The following ADGRG6 variants were observed in gnomAD, a reference collection of about 807,000 sequenced individuals.
ADGRG6 encodes G-protein coupled receptor 126.
ADGRG6 carries 84 observed loss-of-function variants against 142.4 expected under a neutral mutation model. That is an observed-to-expected ratio of 0.59 (90% CI 0.49 to 0.71). The LOEUF (loss-of-function observed/expected upper bound fraction) is 0.71. Among genes scored for constraint, ADGRG6 ranks in the 30% least tolerant of loss-of-function variants. The pLI is 0.00. For synonymous variants in ADGRG6, 521 were observed against 520.5 expected, an observed-to-expected ratio of 1.00 and a Z score of -0.01; for missense variants, 1,367 against 1,466.6, an observed-to-expected ratio of 0.93 and a Z score of 1.11.
At chr6:142,326,772 T>C (rs1778799566) in intron 2 of ADGRG6, among the ~76,000 whole-genome samples, 1 of 152,056 alleles carries the variant, frequency 6.6e-6, no homozygotes, top group Non-Finnish European at 1.5e-5. Flanking sequence ...CATGCAGTCA[T>C]GTTAAGTGAG....
intron 17 of ADGRG6, among the ~76,000 whole-genome samples, chr6:142,410,467 A>G (rs1369453437): frequency 2.8e-5 from 4 of 145,338 alleles, no homozygotes. Context: ...TAAGGGATGA[A>G]TCAATCAGTA....
intron 15 of ADGRG6, among the ~76,000 whole-genome samples, chr6:142,406,847 A>C (rs2115035952): frequency 6.6e-6 from 1 of 152,312 alleles, no homozygotes; most frequent in African/African-American, 2.4e-5. Flanking sequence ...TTACCTTAAA[A>C]CCAATATAAA....
At chr6:142,317,348 A>G (rs1778135627) in intron 2 of ADGRG6, among the ~76,000 whole-genome samples, 1 of 152,048 alleles carries the variant, frequency 6.6e-6, no homozygotes, top group Non-Finnish European at 1.5e-5. Flanking sequence ...TTGTGACACC[A>G]TGGAAGACAG....
chr6:142,402,110 T>G, intron 12 of ADGRG6, 52 bp downstream of exon 12: 1 of 813,654 alleles, frequency 1.2e-6, no homozygotes. Flanking sequence ...CATGACTTCA[T>G]GCTTCATGAT....
At chr6:142,328,414 CTGGTCTCGA>C (rs1778885222) in intron 2 of ADGRG6, among the ~76,000 whole-genome samples, 1 of 152,126 alleles carries the variant, frequency 6.6e-6, no homozygotes, top group African/African-American at 2.4e-5. Flanking sequence ...TGTTGCCCAG[CTGGTCTCGA>C]TCTTATGAGC....
Position 142,403,875 on chromosome 6 carries a change from C to T in ADGRG6, c.2029C>T (p.Arg677Trp), listed in dbSNP as rs767931887. The change falls in exon 14 of 25, where the codon CGG becomes TGG. Residue 677 changes from arginine (R) to tryptophan (W), a missense_variant. This residue lies in a region of ADGRG6 where 286 missense variants were observed against 371.4 expected (regional missense o/e 0.77). Transcript: ENST00000367609. ...CACATCACATGTGAATATTACAACTCGGAACTTGGCTCTCAGCGTATCATC... is the reference window on the plus strand; with the variant it reads ...CACATCACATGTGAATATTACAACTTGGAACTTGGCTCTCAGCGTATCATC... ...NSTSHVNITT[R>W]NLALSVSSLL... 1.2e-5 allele frequency: 19 copies of T among 1,608,032 alleles called. No individual in the cohort carries two copies. The highest frequency in any genetic ancestry group is 2.2e-5 in the South Asian group (2 of 90,782).
intron 20 of ADGRG6, 184 bp from the exon 21 acceptor site, chr6:142,417,089 C>G: frequency 1.6e-6 from 1 of 643,030 alleles, no homozygotes; most frequent in Non-Finnish European, 2.8e-6. Flanking sequence ...GACATTGAAC[C>G]CCAAGGAGGG....
intron 6 of ADGRG6, among the ~76,000 whole-genome samples, chr6:142,388,693 A>G (rs9496362): frequency 0.014 from 2,103 of 152,192 alleles, 61 homozygotes; most frequent in African/African-American, 0.048. Context: ...ACTTTATTGA[A>G]TGCTGAACTT....
chr6:142,305,241 A>G (rs1008038028), intron 1 of ADGRG6, among the ~76,000 whole-genome samples: 84 of 152,176 alleles, frequency 5.5e-4, no homozygotes, highest in Non-Finnish European at 7.2e-4. Context: ...ATATGTTTCA[A>G]TGTAAATGTG....
At position 142,426,660 on chromosome 6, in the gene ADGRG6, C is replaced by G. The variant is rs565539460; in HGVS notation, c.3319+6556C>G. 6.6e-5 allele frequency among the ~76,000 whole-genome samples: 10 copies of G among 152,346 alleles called. No homozygotes were observed. The South Asian group carries it at 2.1e-3, about 32-fold the overall frequency. On this transcript the variant is annotated intron_variant, in intron 22 of 24. Coordinates refer to ENST00000367609, the MANE Select transcript of ADGRG6 (RefSeq NM_198569.3). ...CCCAGTAGGGACTCTGTGTGGGGCC[C>G]AGACCACACATTTCCCTCTGTACTG...
intron 2 of ADGRG6, among the ~76,000 whole-genome samples, chr6:142,357,244 T>TCTCTCTCA (rs1780489434): frequency 6.6e-6 from 1 of 152,184 alleles, no homozygotes; most frequent in Non-Finnish European, 1.5e-5. Context: ...TCTTCCCCTC[T>TCTCTCTCA]CTCTCTCATT....
At chr6:142,383,245 T>C (rs1481098910) in intron 5 of ADGRG6, among the ~76,000 whole-genome samples, 1 of 152,176 alleles carries the variant, frequency 6.6e-6, no homozygotes, top group East Asian at 1.9e-4. Flanking sequence ...ATTAACTTAG[T>C]CTATGCATTT....
chr6:142,315,086 G>A (rs1054985876), intron 2 of ADGRG6, among the ~76,000 whole-genome samples: 2 of 151,714 alleles, frequency 1.3e-5, no homozygotes, highest in Non-Finnish European at 2.9e-5. Context: ...CAATTTTAGC[G>A]GGTACTTTTA....
At chr6:142,395,507 A>C (rs1775138258) in intron 9 of ADGRG6, among the ~76,000 whole-genome samples, 1 of 152,180 alleles carries the variant, frequency 6.6e-6, no homozygotes, top group Non-Finnish European at 1.5e-5. Flanking sequence ...GTGATACTAA[A>C]ATCAGCCATC....
At chr6:142,370,093 G>T in intron 3 of ADGRG6, 77 bp from the exon 4 acceptor site, 1 of 1,256,454 alleles carries the variant, frequency 8.0e-7, no homozygotes, top group South Asian at 1.6e-5. Flanking sequence ...AAGCGATGGA[G>T]GGCTTGATGT....
chr6:142,380,080 A>G (rs1486976958), intron 4 of ADGRG6, among the ~76,000 whole-genome samples: 3 of 152,124 alleles, frequency 2.0e-5, no homozygotes, highest in Non-Finnish European at 2.9e-5. Flanking sequence ...CTGATTGACA[A>G]TTGATTGAAA....
At chr6:142,332,270 A>G (rs1056215781) in intron 2 of ADGRG6, among the ~76,000 whole-genome samples, 1 of 152,194 alleles carries the variant, frequency 6.6e-6, no homozygotes, top group Non-Finnish European at 1.5e-5. Context: ...GACTTACCAC[A>G]TAGTGATGAG....
At chr6:142,351,443 A>G (rs1243940609) in intron 2 of ADGRG6, among the ~76,000 whole-genome samples, 1 of 152,198 alleles carries the variant, frequency 6.6e-6, no homozygotes, top group African/African-American at 2.4e-5. Flanking sequence ...AACAATAACA[A>G]GCAATGGAGA....
intron 18 of ADGRG6, among the ~76,000 whole-genome samples, chr6:142,412,551 T>C (rs1403835979): frequency 6.6e-6 from 1 of 152,156 alleles, no homozygotes; most frequent in Non-Finnish European, 1.5e-5. Flanking sequence ...ACATAAATGC[T>C]CTGCAGAATA....
Sources: allele counts gnomAD v4.1 joint callset (sites outside exome capture counted in the v4.1 genomes callset), GRCh38; gene constraint gnomAD v4.1.1; regional missense constraint gnomAD v4.1.1; transcripts MANE v1.5; gene names NCBI Gene and HGNC (gene_info 2026-07-23, HGNC 2026-07-21).